The following ZNF550 variants were observed in gnomAD, a reference collection of about 807,000 sequenced individuals.
ZNF550 encodes the protein zinc finger protein 550.
A neutral mutation model predicts 40.2 loss-of-function variants in ZNF550; 42 were observed. The observed-to-expected ratio is 1.05, with a 90% CI of 0.82 to 1.35. ZNF550 has a LOEUF of 1.35. Among genes scored for constraint, ZNF550 ranks in the 40% most tolerant of loss-of-function variants. The pLI is 0.00. For synonymous variants in ZNF550, 223 were observed against 198.6 expected (o/e 1.12, Z -1.03); for missense variants, 549 against 525.2 (o/e 1.05, Z -0.44).
intron 3 of ZNF550, among the ~76,000 whole-genome samples, chr19:57,550,739 A>C (rs947666004): frequency 2.6e-5 from 4 of 152,256 alleles, no homozygotes; most frequent in Non-Finnish European, 4.4e-5. Context: ...GAAATGCAAA[A>C]ATTTAAGCTG....
chr19:57,543,965 C>T (rs933194928), intron 4 of ZNF550: 15 of 985,282 alleles, frequency 1.5e-5, no homozygotes, highest in Non-Finnish European at 1.8e-5. Flanking sequence ...ACATGTTTTA[C>T]CTCAATCATA....
intron 3 of ZNF550, among the ~76,000 whole-genome samples, chr19:57,550,230 A>T (rs369444459): frequency 5.9e-5 from 9 of 152,292 alleles, no homozygotes; most frequent in East Asian, 5.8e-4. Flanking sequence ...GGGGATGGGA[A>T]ATGGTGCGGC....
exon 4 of ZNF550, chr19:57,547,699 A>C: frequency 6.2e-7 from 1 of 1,614,204 alleles, no homozygotes; most frequent in East Asian, 2.2e-5. Flanking sequence ...ACATTCATGG[A>C]GAACATCTGC....
chr19:57,552,830 C>T (rs1266988115), intron 2 of ZNF550, 108 bp from the exon 3 acceptor site: 9 of 765,164 alleles, frequency 1.2e-5, no homozygotes, highest in Admixed American at 9.3e-5. Context: ...TGCAGCTGCT[C>T]CCAAAGTAAG....
exon 4 of ZNF550, chr19:57,547,758 C>T (rs757602282): frequency 6.2e-7 from 1 of 1,614,134 alleles, no homozygotes; most frequent in East Asian, 2.2e-5. Context: ...CATCTGTCCC[C>T]AAACCTTCAC....
intron 4 of ZNF550, chr19:57,543,576 A>G: frequency 1.0e-6 from 1 of 980,220 alleles, no homozygotes; most frequent in Non-Finnish European, 1.2e-6. Flanking sequence ...GCAGCATAAG[A>G]GCATAGTGCT....
chr19:57,559,800 G>C (rs1010326792), exon 1 of ZNF550: 1 of 929,990 alleles, frequency 1.1e-6, no homozygotes, highest in Non-Finnish European at 1.4e-6. Flanking sequence ...TCCCAGCACA[G>C]TTCTGAGAGC....
chr19:57,557,753 G>A (rs369069631), intron 1 of ZNF550, among the ~76,000 whole-genome samples: 8 of 152,290 alleles, frequency 5.3e-5, no homozygotes, highest in South Asian at 2.1e-4. Context: ...TTCCTTAGCC[G>A]TGGTAAAGCA....
At chr19:57,557,060 C>T (rs183365932) in intron 1 of ZNF550, 2 of 152,340 alleles carry the variant, frequency 1.3e-5, no homozygotes, top group East Asian at 1.9e-4. Flanking sequence ...GGTTTCCCCC[C>T]ACTGAGACAG....
chr19:57,543,908 A>C (rs2089984740), intron 4 of ZNF550: 1 of 950,288 alleles, frequency 1.1e-6, no homozygotes, highest in Admixed American at 6.2e-5. Flanking sequence ...ACTGCACTCC[A>C]GCCTGGGCAA....
At chr19:57,556,968 T>G (rs759571856) in intron 1 of ZNF550, 2 of 152,522 alleles carry the variant, frequency 1.3e-5, no homozygotes, top group Non-Finnish European at 1.5e-5. Flanking sequence ...ATCGCCATTC[T>G]CCCGTCTCGG....
At chr19:57,542,532 A>G (rs45485399) in exon 5 of ZNF550, 42 of 152,236 alleles carry the variant, frequency 2.8e-4, no homozygotes, top group Non-Finnish European at 5.0e-4. Context: ...GTTAAAAACA[A>G]TTGGCTAGAG....
chr19:57,555,731 C>T (rs934214076), intron 2 of ZNF550: 4 of 190,364 alleles, frequency 2.1e-5, no homozygotes, highest in Admixed American at 1.6e-4. Flanking sequence ...TGAGGACATT[C>T]CTGTGTACCC....
At chr19:57,548,492 C>A (rs919818672) in intron 3 of ZNF550, among the ~76,000 whole-genome samples, 2 of 152,078 alleles carry the variant, frequency 1.3e-5, no homozygotes, top group African/African-American at 2.4e-5. Context: ...ATATAATTGA[C>A]CATCAAAGAA....
exon 3 of ZNF550, chr19:57,552,697 C>G (rs1009043033): frequency 1.3e-6 from 2 of 1,598,152 alleles, no homozygotes; most frequent in African/African-American, 2.7e-5. Context: ...GCAGGTGGAC[C>G]AACTCTGGTT....
intron 3 of ZNF550, among the ~76,000 whole-genome samples, chr19:57,552,224 C>T (rs1027739917): frequency 3.3e-5 from 5 of 152,182 alleles, no homozygotes; most frequent in African/African-American, 1.2e-4. Flanking sequence ...GTAAACCAAA[C>T]CCATTAATTC....
chr19:57,549,259 A>G (rs558379892), intron 3 of ZNF550, among the ~76,000 whole-genome samples: 80 of 152,308 alleles, frequency 5.3e-4, no homozygotes, highest in African/African-American at 1.8e-3. Context: ...TTGTATGCCT[A>G]TATTAAAATA....
At chr19:57,556,151 G>A (rs1356426421) in intron 2 of ZNF550, 80 bp downstream of exon 2, 8 of 1,582,098 alleles carry the variant, frequency 5.1e-6, no homozygotes, top group Non-Finnish European at 6.9e-6. Context: ...CAAGAGAAAG[G>A]TGGGCAGTTC....
At chr19:57,546,325 A>T (rs1192472909) in intron 4 of ZNF550, 1 of 219,664 alleles carries the variant, frequency 4.6e-6, no homozygotes, top group African/African-American at 2.4e-5. Context: ...TAACTCTGAC[A>T]AAGGATGGCA....
Sources: allele counts gnomAD v4.1 joint callset (sites outside exome capture counted in the v4.1 genomes callset), GRCh38; gene constraint gnomAD v4.1.1; transcripts MANE v1.5; gene names NCBI Gene and HGNC (gene_info 2026-07-23, HGNC 2026-07-21).